The following COG7 variants were observed in gnomAD, a reference collection of about 807,000 sequenced individuals.
The protein encoded by COG7 is conserved oligomeric Golgi complex subunit 7.
COG7 carries 49 observed loss-of-function variants against 91.5 expected under a neutral mutation model. The ratio of observed to expected loss-of-function variants is 0.54; its 90% CI spans 0.43 to 0.68. The LOEUF is 0.68. Ranked by LOEUF, COG7 falls within the 30% of genes least tolerant of loss-of-function variation. COG7 has a pLI of 0.00. For missense variants in COG7, 895 were observed against 961.3 expected, an observed-to-expected ratio of 0.93 and a Z score of 0.91; for synonymous variants, 365 against 388.7, an observed-to-expected ratio of 0.94 and a Z score of 0.72.
chr16:23,442,697 C>T (rs1257793985), intron 3 of COG7, 52 bp from the exon 4 acceptor site: 2 of 1,482,458 alleles, frequency 1.3e-6, no homozygotes, highest in Middle Eastern at 1.8e-4. Flanking sequence ...CCTACTGCCT[C>T]AATTGGGAAT....
chr16:23,418,958 A>G (rs1324954495), intron 7 of COG7, 131 bp from the exon 8 acceptor site: 5 of 788,738 alleles, frequency 6.3e-6, no homozygotes, highest in African/African-American at 1.7e-5. Context: ...TATTTTGTTA[A>G]GCAGCTTTTA....
chr16:23,394,223 TA>T (rs1963247594), intron 14 of COG7, among the ~76,000 whole-genome samples: 1 of 152,174 alleles, frequency 6.6e-6, no homozygotes, highest in South Asian at 2.1e-4. Flanking sequence ...CTCTTGAAAC[TA>T]AAGATAGACA....
intron 9 of COG7, chr16:23,414,386 T>A (rs1963619037): frequency 6.6e-6 from 1 of 152,214 alleles, no homozygotes. Context: ...CACAGCACTT[T>A]GGGAGGCCGA....
At chr16:23,397,629 TC>T (rs1032614332) in intron 14 of COG7, among the ~76,000 whole-genome samples, 2 of 152,216 alleles carry the variant, frequency 1.3e-5, no homozygotes, top group Admixed American at 6.5e-5. Context: ...ATGAAAGCAC[TC>T]CACACAGAGC....
rs1963139206 is a variant in COG7 at position 23,388,912 on chromosome 16, T to A, written c.*8A>T. On this transcript the variant is annotated 3_prime_UTR_variant, in exon 17 of 17. Coordinates refer to ENST00000307149, the MANE Select transcript of COG7 (RefSeq NM_153603.4). Reference sequence around the variant, plus strand: ...CTGGCTCTCTTGGTGGTCCGGTGTGTGGTGGGGTCAGTAATTCACACTCCG... The same window carrying A: ...CTGGCTCTCTTGGTGGTCCGGTGTGAGGTGGGGTCAGTAATTCACACTCCG... The A allele has an allele frequency of 1.2e-6, 2 of 1,613,220 alleles. No individual in the cohort carries two copies. The highest frequency in any genetic ancestry group is 1.1e-5 in the South Asian group (1 of 91,006).
intron 6 of COG7, among the ~76,000 whole-genome samples, chr16:23,430,316 T>A (rs1963914142): frequency 6.6e-6 from 1 of 151,368 alleles, no homozygotes; most frequent in South Asian, 2.1e-4. Flanking sequence ...GTAGTCCCAG[T>A]ACTCAGGAGG....
At chr16:23,418,070 C>T (rs1963686153) in intron 8 of COG7, among the ~76,000 whole-genome samples, 1 of 152,208 alleles carries the variant, frequency 6.6e-6, no homozygotes, top group South Asian at 2.1e-4. Context: ...CCCATGAGTG[C>T]TAAGATCCTG....
rs148258374 is a variant in COG7 at position 23,413,028 on chromosome 16, G to A, written c.1409+420C>T. Reference sequence around the variant, plus strand: ...AATGGCCCTTTCCAGGCCAAATAGCGTTGCCTGGAACCATTTAGTACCATG... The same window carrying A: ...AATGGCCCTTTCCAGGCCAAATAGCATTGCCTGGAACCATTTAGTACCATG... On this transcript the variant is annotated intron_variant, in intron 10 of 16. Coordinates refer to ENST00000307149, the MANE Select transcript of COG7 (RefSeq NM_153603.4). The A allele has an allele frequency of 2.3e-4, 45 of 193,330 alleles. 1 individual carries two copies. In the East Asian group the frequency reaches 5.3e-3, roughly 23 times the overall value. 12.0% of individuals were successfully genotyped at this position (193,330 alleles called of 1,614,324 possible). A position where few individuals can be genotyped will look rare whatever the true frequency, so the allele number is the denominator to read the frequency against.
At chr16:23,433,247 C>A (rs903965195) in intron 6 of COG7, among the ~76,000 whole-genome samples, 4 of 152,072 alleles carry the variant, frequency 2.6e-5, no homozygotes, top group Non-Finnish European at 5.9e-5. Context: ...TGTGCCACCA[C>A]ACCTGGCTAA....
At chr16:23,432,868 T>C (rs1963955038) in intron 6 of COG7, among the ~76,000 whole-genome samples, 1 of 152,118 alleles carries the variant, frequency 6.6e-6, no homozygotes, top group African/African-American at 2.4e-5. Flanking sequence ...ACATTCCTGT[T>C]CATTCGAACA....
rs370122112 is a variant in COG7, at chr16:23,439,838, A to G, written c.604+2639T>C. Among the ~76,000 whole-genome samples, 39 of 152,318 alleles carry G rather than the reference A, an allele frequency of 2.6e-4. No homozygotes were observed. In the East Asian group the frequency reaches 4.0e-3, roughly 16 times the overall value. ...CTGAAATGCACACTTAAAAATTATT[A>G]AAATGGTAGATTTTGTTACATGCAT... On this transcript the variant is annotated intron_variant, in intron 4 of 16. Transcript: ENST00000307149.
intron 3 of COG7, among the ~76,000 whole-genome samples, chr16:23,443,790 A>G (rs1467500332): frequency 6.6e-6 from 1 of 152,222 alleles, no homozygotes; most frequent in Non-Finnish European, 1.5e-5. Context: ...GGCAGGGAAC[A>G]TAAATATGTA....
chr16:23,443,122 T>C (rs1199663343), intron 3 of COG7, among the ~76,000 whole-genome samples: 1 of 151,968 alleles, frequency 6.6e-6, no homozygotes, highest in Non-Finnish European at 1.5e-5. Context: ...ATTGGAAAAG[T>C]GTTTGAAAAA....
intron 13 of COG7, among the ~76,000 whole-genome samples, chr16:23,398,837 C>T (rs1013220866): frequency 3.9e-5 from 6 of 152,292 alleles, no homozygotes; most frequent in African/African-American, 1.4e-4. Context: ...AGCACTAACA[C>T]GTGTTTCTTG....
intron 4 of COG7, among the ~76,000 whole-genome samples, chr16:23,441,434 G>A (rs1303336387): frequency 6.6e-6 from 1 of 152,128 alleles, no homozygotes; most frequent in Non-Finnish European, 1.5e-5. Context: ...AATTAGCCAG[G>A]TGTGGTGGCG....
Position 23,445,860 on chromosome 16 carries a change from T to C in COG7, c.271A>G (p.Lys91Glu). 1 of 1,613,962 alleles carries C rather than the reference T, an allele frequency of 6.2e-7. No individual in the cohort carries two copies. The highest frequency in any genetic ancestry group is 8.5e-7 in the Non-Finnish European group (1 of 1,179,976). Reference sequence around the variant, plus strand: ...TGTTCAAATTTTTTAATGTCCTCCTTGACAAGAATCATCTGTTCTTTCAGG... The same window carrying C: ...TGTTCAAATTTTTTAATGTCCTCCTCGACAAGAATCATCTGTTCTTTCAGG... ...SFLKEQMILV[K>E]EDIKKFEQDT... The change falls in exon 2 of 17, where the codon AAG becomes GAG. Residue 91 changes from lysine (K) to glutamate (E), a missense_variant. Coordinates refer to ENST00000307149, the MANE Select transcript of COG7 (RefSeq NM_153603.4).
chr16:23,404,657 C>T (rs921790166), intron 12 of COG7, among the ~76,000 whole-genome samples: 1 of 152,168 alleles, frequency 6.6e-6, no homozygotes, highest in African/African-American at 2.4e-5. Flanking sequence ...CAGTGGCTCA[C>T]GCCTGTAATC....
At chr16:23,403,585 G>A in intron 13 of COG7, 109 bp downstream of exon 13, 1 of 1,402,322 alleles carries the variant, frequency 7.1e-7, no homozygotes, top group Non-Finnish European at 1.0e-6. Flanking sequence ...GAAAGTTAAA[G>A]CGGGATCTTC....
At chr16:23,413,839 C>T in intron 9 of COG7, 1 of 388,504 alleles carries the variant, frequency 2.6e-6, no homozygotes, top group East Asian at 5.7e-5. Context: ...CAGGGAGCAA[C>T]CAGGTGAGAG....
Sources: allele counts gnomAD v4.1 joint callset (sites outside exome capture counted in the v4.1 genomes callset), GRCh38; gene constraint gnomAD v4.1.1; transcripts MANE v1.5; gene names NCBI Gene and HGNC (gene_info 2026-07-23, HGNC 2026-07-21).